Variants in ITGB6 observed in about 807,000 individuals in gnomAD.
The protein encoded by ITGB6 is integrin subunit beta 6, also known as integrin beta-6.
ITGB6 carries 80 observed loss-of-function variants against 84.5 expected under a neutral mutation model. The ratio of observed to expected loss-of-function variants is 0.95; its 90% CI spans 0.79 to 1.14. The LOEUF (loss-of-function observed/expected upper bound fraction) is 1.14. Ranked by LOEUF, ITGB6 falls within the 50% of genes most tolerant of loss-of-function variation. The pLI, the probability that ITGB6 is intolerant of heterozygous loss-of-function variation, is 0.00. For synonymous variants in ITGB6, 383 were observed against 354.9 expected, an observed-to-expected ratio of 1.08 and a Z score of -0.89; for missense variants, 1,006 against 968.0, an observed-to-expected ratio of 1.04 and a Z score of -0.52.
chr2:160,199,650 C>T (rs1686479424), intron 1 of ITGB6, among the ~76,000 whole-genome samples: 1 of 152,074 alleles, frequency 6.6e-6, no homozygotes, highest in South Asian at 2.1e-4. Flanking sequence ...GAAATAAATC[C>T]TCTTTCTCTT....
intron 10 of ITGB6, 78 bp from the exon 11 acceptor site, chr2:160,126,679 C>T: frequency 7.3e-7 from 1 of 1,378,070 alleles, no homozygotes; most frequent in Non-Finnish European, 1.0e-6. Flanking sequence ...CATCTTTTCT[C>T]TTTGTCTTTA....
intron 10 of ITGB6, among the ~76,000 whole-genome samples, chr2:160,129,501 G>A (rs1205622602): frequency 1.3e-5 from 2 of 151,854 alleles, no homozygotes; most frequent in African/African-American, 4.8e-5. Context: ...TGTTTAGAAC[G>A]GTACCTGGCC....
At chr2:160,122,640 G>T (rs1683089478) in intron 12 of ITGB6, among the ~76,000 whole-genome samples, 1 of 152,144 alleles carries the variant, frequency 6.6e-6, no homozygotes, top group African/African-American at 2.4e-5. Context: ...ACACCATTTT[G>T]TCCAATTTAC....
At chr2:160,147,075 CCT>C (rs1684224978) in intron 7 of ITGB6, among the ~76,000 whole-genome samples, 1 of 137,230 alleles carries the variant, frequency 7.3e-6, no homozygotes, top group Admixed American at 8.1e-5. Context: ...CAGAGTGAGA[CCT>C]TGCCTCAGAA....
chr2:160,200,185 C>T lies in ITGB6; in HGVS notation c.-122G>A. ...AGTATAACATTTTAAATACTACTTA[C>T]ACTGCTTTGAAAAGAAACTTGAGAT... is the stretch of plus-strand genomic sequence containing the variant. On this transcript the variant is annotated 5_prime_UTR_variant, in exon 1 of 15. Coordinates refer to ENST00000283249, the MANE Select transcript of ITGB6 (RefSeq NM_000888.5). 1.4e-6 allele frequency: 1 copy of T among 725,810 alleles called. No homozygotes were observed. Among genetic ancestry groups the T allele is most frequent in the South Asian group, 1.8e-5 (1 of 54,292 alleles). 45.0% of individuals were successfully genotyped at this position (725,810 alleles called of 1,614,324 possible).
chr2:160,147,076 C>G (rs1041650644), intron 7 of ITGB6, among the ~76,000 whole-genome samples: 1 of 137,102 alleles, frequency 7.3e-6, no homozygotes, highest in African/African-American at 2.8e-5. Context: ...AGAGTGAGAC[C>G]TTGCCTCAGA....
chr2:160,164,784 T>G (rs1684943231), intron 7 of ITGB6, among the ~76,000 whole-genome samples: 1 of 152,218 alleles, frequency 6.6e-6, no homozygotes, highest in Non-Finnish European at 1.5e-5. Context: ...CTGTACCTTT[T>G]TCTTTCTTGT....
At chr2:160,196,472 TTC>T (rs1186614091) in intron 2 of ITGB6, 52 bp from the exon 3 acceptor site, 6 of 1,486,978 alleles carry the variant, frequency 4.0e-6, no homozygotes, top group Non-Finnish European at 5.5e-6. Context: ...AAATCTGAAT[TTC>T]TTTATAAGAT....
chr2:160,144,555 C>T (rs1055321487), intron 7 of ITGB6, among the ~76,000 whole-genome samples: 1 of 152,194 alleles, frequency 6.6e-6, no homozygotes, highest in Non-Finnish European at 1.5e-5. Context: ...CAGAGGGAAC[C>T]TTTCGCGCTT....
chr2:160,143,057 G>A (rs1174710540), intron 7 of ITGB6, among the ~76,000 whole-genome samples: 1 of 152,160 alleles, frequency 6.6e-6, no homozygotes, highest in Non-Finnish European at 1.5e-5. Flanking sequence ...AGAGGTCAAG[G>A]CAGGCAGATC....
intron 12 of ITGB6, among the ~76,000 whole-genome samples, chr2:160,123,013 T>C (rs1683101302): frequency 6.6e-6 from 1 of 152,216 alleles, no homozygotes; most frequent in African/African-American, 2.4e-5. Context: ...TGATACCAAA[T>C]TAAATTCTCC....
intron 4 of ITGB6, among the ~76,000 whole-genome samples, chr2:160,181,655 T>A (rs544067680): frequency 6.6e-6 from 1 of 152,316 alleles, no homozygotes; most frequent in African/African-American, 2.4e-5. Context: ...ACAGACTGCC[T>A]CCTCAAGTGG....
At chr2:160,112,245 G>A (rs373074164) in intron 12 of ITGB6, 46 bp from the exon 13 acceptor site, 1 of 1,551,634 alleles carries the variant, frequency 6.4e-7, no homozygotes, top group East Asian at 2.2e-5. Flanking sequence ...GATTCCAAAA[G>A]AGATTGTTTT....
At chr2:160,156,517 T>C (rs1241636118) in intron 7 of ITGB6, among the ~76,000 whole-genome samples, 1 of 152,194 alleles carries the variant, frequency 6.6e-6, no homozygotes, top group East Asian at 1.9e-4. Flanking sequence ...CATTGCTTTT[T>C]ATCTACTCAG....
intron 11 of ITGB6, among the ~76,000 whole-genome samples, chr2:160,124,551 TA>T (rs1341523848): frequency 6.6e-6 from 1 of 152,236 alleles, no homozygotes; most frequent in African/African-American, 2.4e-5. Context: ...TAAAGACATC[TA>T]TAGAGCAAAG....
chr2:160,148,952 A>C (rs537725238), intron 7 of ITGB6, among the ~76,000 whole-genome samples: 12 of 152,348 alleles, frequency 7.9e-5, no homozygotes, highest in African/African-American at 2.6e-4. Flanking sequence ...CAGGAAGCTC[A>C]AATTGGGTGG....
Position 160,137,615 on chromosome 2 carries a change from G to T in ITGB6, c.1479C>A (p.Gly493=), listed in dbSNP as rs530917751. Residue 493 remains glycine (G), a synonymous_variant, in exon 10 of 15, where the codon GGC becomes GGA. Coordinates refer to ENST00000283249, the MANE Select transcript of ITGB6 (RefSeq NM_000888.5). ...PGHMGPRCEC[G]EDMLSTDSCK... ...AGGAATCTGTGCTCAGCATGTCCTC[G>T]CCACACTCACAGCGAGGCCCCATGT... 1 of 1,614,162 alleles carries T rather than the reference G, an allele frequency of 6.2e-7. No homozygotes were observed. Among genetic ancestry groups the T allele is most frequent in the Non-Finnish European group, 8.5e-7 (1 of 1,180,028 alleles).
At chr2:160,179,943 C>CAAAAAAAAA (rs60463723) in intron 4 of ITGB6, among the ~76,000 whole-genome samples, 13 of 102,946 alleles carry the variant, frequency 1.3e-4, no homozygotes, top group Non-Finnish European at 2.1e-4. Context: ...ACTAAAAATA[C>CAAAAAAAAA]AAAAAAAAAA....
chr2:160,123,335 A>G (rs1683115044), intron 12 of ITGB6, among the ~76,000 whole-genome samples: 2 of 152,172 alleles, frequency 1.3e-5, no homozygotes, highest in South Asian at 4.1e-4. Context: ...AAAAATGGCC[A>G]CTAACCAGAA....
Sources: gnomAD v4.1 joint callset for allele counts (sites outside exome capture counted in the v4.1 genomes callset) on GRCh38, gnomAD v4.1.1 for gene constraint, MANE v1.5 for transcripts, NCBI Gene and HGNC (gene_info 2026-07-23, HGNC 2026-07-21) for gene names.